SORCS3: variants seen among roughly 807,000 people sequenced by gnomAD.
SORCS3 encodes the protein sortilin related VPS10 domain containing receptor 3.
Under a neutral mutation model 146.3 loss-of-function variants are expected in SORCS3, and 57 were observed. That is an observed-to-expected ratio of 0.39 (90% confidence interval 0.31 to 0.49). The LOEUF (loss-of-function observed/expected upper bound fraction) is 0.49. SORCS3 is among the 20% of genes least tolerant of loss of function. SORCS3 has a pLI of 0.92. For synonymous variants in SORCS3, 653 were observed against 618.5 expected, an observed-to-expected ratio of 1.06 and a Z score of -0.83; for missense variants, 1,341 against 1,575.5, an observed-to-expected ratio of 0.85 and a Z score of 2.52.
chr10:104,821,051 A>T (rs546764043), intron 1 of SORCS3, among the ~76,000 whole-genome samples: 4 of 152,326 alleles, frequency 2.6e-5, no homozygotes, highest in African/African-American at 7.2e-5. Flanking sequence ...AACAGCTCAA[A>T]TGATGATGTC....
intron 2 of SORCS3, among the ~76,000 whole-genome samples, chr10:104,849,181 C>G (rs778070873): frequency 2.6e-4 from 40 of 151,978 alleles, no homozygotes. Context: ...GAGGCTCAGG[C>G]GGGTGGATTA....
intron 17 of SORCS3, among the ~76,000 whole-genome samples, chr10:105,213,178 T>C (rs2056644405): frequency 6.6e-6 from 1 of 152,136 alleles, no homozygotes; most frequent in Admixed American, 6.5e-5. Context: ...AAGATGTATA[T>C]ATGCAAGAAA....
At chr10:104,692,488 C>T (rs542053699) in intron 1 of SORCS3, among the ~76,000 whole-genome samples, 71 of 152,288 alleles carry the variant, frequency 4.7e-4, no homozygotes, top group Admixed American at 2.4e-3. Flanking sequence ...TACTCTTGCA[C>T]CAACCTAATA....
intron 8 of SORCS3, among the ~76,000 whole-genome samples, chr10:105,144,907 AC>A (rs1328183492): frequency 6.6e-6 from 1 of 152,092 alleles, no homozygotes; most frequent in African/African-American, 2.4e-5. Flanking sequence ...TTATTGGTTG[AC>A]CCCATTCAAC....
chr10:104,973,648 T>C (rs2054875695), intron 3 of SORCS3, among the ~76,000 whole-genome samples: 1 of 150,926 alleles, frequency 6.6e-6, no homozygotes, highest in Non-Finnish European at 1.5e-5. Context: ...AAAAAACAGC[T>C]CCTGGATTCA....
intron 1 of SORCS3, among the ~76,000 whole-genome samples, chr10:104,781,593 C>T (rs946477484): frequency 6.6e-6 from 1 of 152,176 alleles, no homozygotes; most frequent in Non-Finnish European, 1.5e-5. Flanking sequence ...TACACACACA[C>T]ACTTTTCAAG....
intron 19 of SORCS3, among the ~76,000 whole-genome samples, chr10:105,219,088 G>A (rs1012844815): frequency 4.6e-5 from 7 of 152,176 alleles, no homozygotes; most frequent in African/African-American, 1.4e-4. Context: ...ACTGGATGAG[G>A]TGTGCATGTG....
chr10:104,685,261 C>T (rs1031959961), intron 1 of SORCS3, among the ~76,000 whole-genome samples: 6 of 152,188 alleles, frequency 3.9e-5, no homozygotes, highest in Admixed American at 6.5e-5. Context: ...ACTCTGCCTA[C>T]AAGGCAAAGA....
At chr10:104,887,206 A>C (rs914518845) in intron 2 of SORCS3, among the ~76,000 whole-genome samples, 2 of 152,218 alleles carry the variant, frequency 1.3e-5, no homozygotes, top group African/African-American at 4.8e-5. Context: ...GGACTTCAGG[A>C]TAAAAAATGG....
chr10:104,842,591 T>C (rs1022594223), intron 1 of SORCS3, among the ~76,000 whole-genome samples: 2 of 152,228 alleles, frequency 1.3e-5, no homozygotes. Context: ...AAATAAATGC[T>C]ACCAGTTACA....
intron 3 of SORCS3, among the ~76,000 whole-genome samples, chr10:104,917,811 C>G (rs141697931): frequency 6.6e-6 from 1 of 152,292 alleles, no homozygotes; most frequent in Non-Finnish European, 1.5e-5. Flanking sequence ...TCACAAAAGA[C>G]AAGATTTCCT....
intron 5 of SORCS3, among the ~76,000 whole-genome samples, chr10:105,081,769 G>A (rs1022945458): frequency 5.3e-5 from 8 of 152,012 alleles, no homozygotes; most frequent in Non-Finnish European, 1.0e-4. Flanking sequence ...TTGGTCTTTG[G>A]TCAGAACTCA....
chr10:104,872,489 G>A (rs972207716), intron 2 of SORCS3, among the ~76,000 whole-genome samples: 4 of 151,934 alleles, frequency 2.6e-5, no homozygotes, highest in Non-Finnish European at 4.4e-5. Context: ...TCCTGCTAAC[G>A]TGTCAGCTTC....
chr10:105,084,034 TG>T (rs1393222305), intron 5 of SORCS3, among the ~76,000 whole-genome samples: 2 of 152,212 alleles, frequency 1.3e-5, no homozygotes, highest in East Asian at 3.9e-4. Flanking sequence ...TACATGTCTT[TG>T]GGCAAGTTGT....
chr10:105,030,298 T>C (rs2055256860), intron 4 of SORCS3, among the ~76,000 whole-genome samples: 1 of 152,220 alleles, frequency 6.6e-6, no homozygotes, highest in South Asian at 2.1e-4. Context: ...GTTCTGCTGA[T>C]CTTGGCTGGG....
At chr10:105,106,047 G>A (rs2055818930) in intron 7 of SORCS3, among the ~76,000 whole-genome samples, 1 of 152,100 alleles carries the variant, frequency 6.6e-6, no homozygotes, top group South Asian at 2.1e-4. Context: ...GGCAGAGCAG[G>A]GAAGCCTTCT....
intron 5 of SORCS3, among the ~76,000 whole-genome samples, chr10:105,053,176 A>G (rs2133712183): frequency 6.6e-6 from 1 of 152,228 alleles, no homozygotes; most frequent in Admixed American, 6.5e-5. Context: ...ATCCAAACCT[A>G]ATCACTTCCC....
intron 1 of SORCS3, among the ~76,000 whole-genome samples, chr10:104,728,065 A>ATCTG (rs1298618772): frequency 1.4e-5 from 2 of 145,940 alleles, no homozygotes; most frequent in Non-Finnish European, 3.0e-5. Context: ...CTATCTATCT[A>ATCTG]TCTATCTAAT....
intron 5 of SORCS3, among the ~76,000 whole-genome samples, chr10:105,086,034 C>A (rs1300602871): frequency 6.6e-6 from 1 of 151,930 alleles, no homozygotes; most frequent in African/African-American, 2.4e-5. Context: ...TTTTTATAGA[C>A]CTGATATTCC....
Sources: gnomAD v4.1 joint callset for allele counts (sites outside exome capture counted in the v4.1 genomes callset) on GRCh38, gnomAD v4.1.1 for gene constraint, MANE v1.5 for transcripts, NCBI Gene and HGNC (gene_info 2026-07-23, HGNC 2026-07-21) for gene names.